ENKUR: variants seen among roughly 807,000 people sequenced by gnomAD.
ENKUR encodes the protein enkurin.
Under a neutral mutation model 27.6 loss-of-function variants are expected in ENKUR, and 19 were observed. The ratio of observed to expected loss-of-function variants is 0.69; its 90% CI spans 0.48 to 1.01. ENKUR has a LOEUF of 1.01. Ranked by LOEUF, ENKUR falls within the 50% of genes least tolerant of loss-of-function variation. ENKUR has a pLI of 0.00. For missense variants in ENKUR, 312 were observed against 310.5 expected (o/e 1.00, Z -0.04); for synonymous variants, 117 against 96.9 (o/e 1.21, Z -1.22).
At chr10:24,998,971 A>C (rs1850126308) in intron 2 of ENKUR, among the ~76,000 whole-genome samples, 1 of 152,204 alleles carries the variant, frequency 6.6e-6, no homozygotes, top group Non-Finnish European at 1.5e-5. Flanking sequence ...CGTACTCAAA[A>C]TGAGCCCAGT....
rs1302273750 is a variant in ENKUR, at chr10:24,983,548, A to T, written c.*822T>A. On this transcript the variant is annotated 3_prime_UTR_variant, in exon 6 of 6. Coordinates refer to ENST00000331161, the MANE Select transcript of ENKUR (RefSeq NM_145010.4). ...TTTGTCATATATTATCCTTTATTTT[A>T]TATCTGCCCTAAGTTAATAAAGGAA... 2.0e-5 allele frequency: 3 copies of T among 152,238 alleles called. No individual in the cohort carries two copies. In the East Asian group the frequency reaches 5.8e-4, roughly 29 times the overall value. The allele number at this position is 152,238 out of a possible 1,614,324, so 9.4% of individuals were successfully genotyped here. A position where few individuals can be genotyped will look rare whatever the true frequency, so the allele number is the denominator to read the frequency against.
chr10:25,018,906 T>C (rs1392675240), upstream of ENKUR, among the ~76,000 whole-genome samples: 2 of 152,158 alleles, frequency 1.3e-5, no homozygotes, highest in Non-Finnish European at 1.5e-5. Context: ...GATAGTAATA[T>C]AAAGACTAAG....
At chr10:24,988,782 G>A (rs1849857492) in intron 4 of ENKUR, among the ~76,000 whole-genome samples, 1 of 130,352 alleles carries the variant, frequency 7.7e-6, no homozygotes. Flanking sequence ...ATCCTGTCCA[G>A]GTATAATGAG....
chr10:25,004,093 A>T (rs1178463434), intron 1 of ENKUR, among the ~76,000 whole-genome samples: 2 of 152,226 alleles, frequency 1.3e-5, no homozygotes, highest in African/African-American at 4.8e-5. Flanking sequence ...ATGTCCCTGC[A>T]AAGAATACGA....
At chr10:25,036,189 C>G (rs1465370185) in intron 2 of ENKUR, among the ~76,000 whole-genome samples, 2 of 152,130 alleles carry the variant, frequency 1.3e-5, no homozygotes, top group Non-Finnish European at 2.9e-5. Context: ...TAGGAGGGAC[C>G]TGGTGGGAGA....
intron 1 of ENKUR, 152 bp from the exon 2 acceptor site, chr10:24,999,698 C>CCAT (rs1332784531): frequency 1.1e-5 from 8 of 737,838 alleles, no homozygotes; most frequent in Non-Finnish European, 1.5e-5. Flanking sequence ...TGAGCCCTGT[C>CCAT]CATCAGACTT....
intron 1 of ENKUR, among the ~76,000 whole-genome samples, chr10:25,007,331 T>C (rs1850334798): frequency 6.6e-6 from 1 of 152,258 alleles, no homozygotes; most frequent in South Asian, 2.1e-4. Context: ...TGTCATATTT[T>C]CTTCTCTCAA....
At position 25,012,844 on chromosome 10, in the gene ENKUR, G is replaced by T. The variant is rs1203773249; in HGVS notation, c.77+3016C>A. Reference sequence around the variant, plus strand: ...CTGTTGGGAAGGTATGATTGGTTTTGAAATGTGAGGACATGAGATCTGGGA... The same window carrying T: ...CTGTTGGGAAGGTATGATTGGTTTTTAAATGTGAGGACATGAGATCTGGGA... On this transcript the variant is annotated intron_variant, in intron 1 of 5. Transcript: ENST00000331161. Among the ~76,000 whole-genome samples, 7 of 152,176 alleles carry T rather than the reference G, an allele frequency of 4.6e-5. No individual in the cohort carries two copies. In the East Asian group the frequency reaches 1.3e-3, roughly 29 times the overall value.
At chr10:25,052,329 A>G (rs1265594126) in intron 2 of ENKUR, among the ~76,000 whole-genome samples, 1 of 152,232 alleles carries the variant, frequency 6.6e-6, no homozygotes, top group East Asian at 1.9e-4. Flanking sequence ...AGGTGGCCTT[A>G]TTCGGGCCTT....
At chr10:25,018,659 G>GTTTTTTTTTTTTTTTTTTTTTTTTTT (rs374289213), upstream of ENKUR, among the ~76,000 whole-genome samples, 6 of 93,716 alleles carry the variant, frequency 6.4e-5, 3 homozygotes, top group Non-Finnish European at 8.8e-5. Context: ...AATGAGAGTT[G>GTTTTTTTTTTTTTTTTTTTTTTTTTT]TTTTTTTTTT....
chr10:25,001,137 G>A (rs755922916), intron 1 of ENKUR, among the ~76,000 whole-genome samples: 1 of 151,468 alleles, frequency 6.6e-6, no homozygotes, highest in African/African-American at 2.4e-5. Context: ...CCATATATTT[G>A]CCATTTCCAG....
At chr10:24,991,259 GA>G (rs1849922054) in intron 3 of ENKUR, among the ~76,000 whole-genome samples, 1 of 151,970 alleles carries the variant, frequency 6.6e-6, no homozygotes, top group South Asian at 2.1e-4. Context: ...AGATATTCAA[GA>G]GTTGGCTTTT....
At chr10:25,018,196 C>T (rs961745044), upstream of ENKUR, among the ~76,000 whole-genome samples, 2 of 152,204 alleles carry the variant, frequency 1.3e-5, no homozygotes. Flanking sequence ...GTTGTTAAAT[C>T]ATTTGGAAAA....
chr10:25,025,237 G>A (rs1223938132), intron 2 of ENKUR: 4 of 1,614,134 alleles, frequency 2.5e-6, no homozygotes, highest in South Asian at 1.1e-5. Flanking sequence ...CTCAAAGTTT[G>A]CACCTGCTAT....
intron 1 of ENKUR, among the ~76,000 whole-genome samples, chr10:25,001,685 G>A (rs1850192725): frequency 6.6e-6 from 1 of 151,834 alleles, no homozygotes; most frequent in Non-Finnish European, 1.5e-5. Context: ...TTTTGTATAT[G>A]GTATTCTTTA....
chr10:25,050,343 T>C lies in ENKUR; in HGVS notation c.37+10769A>G, dbSNP rs1044788804. Among the ~76,000 whole-genome samples the C allele has an allele frequency of 2.6e-5, 4 of 152,174 alleles. No homozygotes were observed. In the East Asian group the frequency reaches 5.8e-4, roughly 22 times the overall value. On this transcript the variant is annotated intron_variant, in intron 2 of 5. Coordinates refer to the ENKUR transcript ENST00000615958. ...AAGACATACGTAAGACTGGGTAATT[T>C]GTAAAGGAAAGAAATTTAATTGACT...
In ENKUR at chr10:25,031,737, T is replaced by C. The variant is rs1047050188; in HGVS notation, c.37+29375A>G. The stretch of plus-strand genomic sequence containing the variant: ...AGGTTACCATTGTCACGTTTTTAGT[T>C]CTTTTTTTTTTTCTTTTAAATTTTT... On this transcript the variant is annotated intron_variant, in intron 2 of 5. Coordinates refer to the ENKUR transcript ENST00000615958. 5.8e-5 allele frequency among the ~76,000 whole-genome samples: 8 copies of C among 139,090 alleles called. No homozygotes were observed. In the Admixed American group the frequency reaches 6.2e-4, roughly 11 times the overall value. The allele number at this position is 139,090 out of a possible 152,430, so 91.2% of individuals were successfully genotyped here.
chr10:25,001,289 CT>C lies in ENKUR; in HGVS notation c.78-1744del, dbSNP rs372949506. On this transcript the variant is annotated intron_variant, in intron 1 of 5. Transcript: ENST00000331161. ...TTTCTTCTTCTTCTATATAATTTTT[CT>C]TTTTTTTCCTCTGGCTGTTTTAAAC... 8.9e-4 allele frequency among the ~76,000 whole-genome samples: 135 copies of C among 151,180 alleles called. 1 individual carries two copies. In the East Asian group the frequency reaches 0.017, roughly 19 times the overall value.
At chr10:24,987,055 G>A (rs574830763) in intron 4 of ENKUR, among the ~76,000 whole-genome samples, 1 of 152,178 alleles carries the variant, frequency 6.6e-6, no homozygotes, top group East Asian at 1.9e-4. Context: ...CAGCTCTTTC[G>A]CCCTCTGGCC....
Sources: gnomAD v4.1 joint callset for allele counts (sites outside exome capture counted in the v4.1 genomes callset) on GRCh38, gnomAD v4.1.1 for gene constraint, MANE v1.5 for transcripts, NCBI Gene and HGNC (gene_info 2026-07-23, HGNC 2026-07-21) for gene names.